The following FSTL5 variants were observed in gnomAD, a reference collection of about 807,000 sequenced individuals.
FSTL5 encodes follistatin like 5, also known as follistatin-related protein 5.
A neutral mutation model predicts 89.1 loss-of-function variants in FSTL5; 62 were observed. That is an observed-to-expected ratio of 0.70 (90% CI 0.57 to 0.86). The LOEUF (loss-of-function observed/expected upper bound fraction) is 0.86. Ranked by LOEUF, FSTL5 falls within the 40% of genes least tolerant of loss-of-function variation. The pLI, the probability that FSTL5 is intolerant of heterozygous loss-of-function variation, is 0.00. For synonymous variants in FSTL5, 383 were observed against 346.2 expected (o/e 1.11, Z -1.18); for missense variants, 1,057 against 1,001.6 (o/e 1.06, Z -0.75).
At chr4:161,519,966 T>C (rs1210649344) in intron 10 of FSTL5, among the ~76,000 whole-genome samples, 1 of 152,148 alleles carries the variant, frequency 6.6e-6, no homozygotes, top group Non-Finnish European at 1.5e-5. Flanking sequence ...CAATAGATGT[T>C]GGTTTTGCAG....
chr4:161,927,457 T>G (rs1003150201), intron 3 of FSTL5, among the ~76,000 whole-genome samples: 7 of 151,722 alleles, frequency 4.6e-5, no homozygotes, highest in Non-Finnish European at 8.8e-5. Context: ...CAGCCAAACT[T>G]CAGACTATAA....
chr4:161,978,459 G>A lies in FSTL5; in HGVS notation c.160+55166C>T, dbSNP rs184415458. Among the ~76,000 whole-genome samples, 154 of 151,912 alleles carry A rather than the reference G, an allele frequency of 1.0e-3. 2 individuals are homozygous for A. The highest frequency in any genetic ancestry group is 9.4e-3 in the Admixed American group (144 of 15,260). On this transcript the variant is annotated intron_variant, in intron 3 of 15. Transcript: ENST00000306100. ...TATGCTTTATTTTTATGAAAAATAC[G>A]TCACTCATGCTGTTTTATTTATTAT...
At chr4:162,070,637 C>G (rs1729580862) in intron 2 of FSTL5, among the ~76,000 whole-genome samples, 1 of 151,738 alleles carries the variant, frequency 6.6e-6, no homozygotes, top group Non-Finnish European at 1.5e-5. Flanking sequence ...TTCTTGGCAC[C>G]TTTGTGGAAA....
intron 10 of FSTL5, among the ~76,000 whole-genome samples, chr4:161,524,512 A>G: frequency 6.6e-6 from 1 of 152,154 alleles, no homozygotes; most frequent in East Asian, 1.9e-4. Context: ...CTTCTGTCAA[A>G]GCTTGTATGT....
intron 4 of FSTL5, among the ~76,000 whole-genome samples, chr4:161,898,823 G>A (rs943984924): frequency 5.9e-4 from 90 of 151,634 alleles, no homozygotes; most frequent in Admixed American, 2.6e-3. Context: ...TAGAGACGGG[G>A]TTTCACCGTG....
At chr4:161,589,615 C>A (rs1221491760) in intron 7 of FSTL5, among the ~76,000 whole-genome samples, 1 of 151,972 alleles carries the variant, frequency 6.6e-6, no homozygotes, top group African/African-American at 2.4e-5. Context: ...ACCATACCTG[C>A]CCCCTAGAGT....
intron 2 of FSTL5, among the ~76,000 whole-genome samples, chr4:162,055,520 G>C (rs1436917168): frequency 9.0e-6 from 1 of 111,474 alleles, no homozygotes; most frequent in African/African-American, 3.6e-5. Context: ...ATGATAGATA[G>C]AGGATGATAG....
intron 7 of FSTL5, among the ~76,000 whole-genome samples, chr4:161,633,291 T>TTTATTATTC (rs1554004445): frequency 6.4e-5 from 9 of 140,726 alleles, no homozygotes; most frequent in Non-Finnish European, 1.2e-4. Flanking sequence ...ACTAATTCTT[T>TTTATTATTC]TTATTATTAT....
chr4:161,433,104 A>T (rs1211891241), intron 15 of FSTL5, among the ~76,000 whole-genome samples: 1 of 117,904 alleles, frequency 8.5e-6, no homozygotes, highest in African/African-American at 3.1e-5. Context: ...TACCAAAACC[A>T]GACAAAGACA....
At chr4:161,742,734 G>T (rs998552829) in intron 6 of FSTL5, among the ~76,000 whole-genome samples, 3 of 152,072 alleles carry the variant, frequency 2.0e-5, no homozygotes, top group Admixed American at 6.6e-5. Flanking sequence ...TCATGCAGTT[G>T]CATCTGCTAT....
At chr4:162,126,774 A>G (rs1287367804) in intron 1 of FSTL5, among the ~76,000 whole-genome samples, 1 of 152,308 alleles carries the variant, frequency 6.6e-6, no homozygotes, top group South Asian at 2.1e-4. Context: ...CTTTTACAAA[A>G]TTTTATTTCC....
intron 15 of FSTL5, among the ~76,000 whole-genome samples, chr4:161,448,495 A>C (rs1233731449): frequency 1.3e-5 from 2 of 152,134 alleles, no homozygotes; most frequent in Non-Finnish European, 2.9e-5. Context: ...TATGGGGGAG[A>C]ATGATATACT....
At chr4:161,521,665 G>A (rs917381470) in intron 10 of FSTL5, among the ~76,000 whole-genome samples, 3 of 151,570 alleles carry the variant, frequency 2.0e-5, no homozygotes, top group African/African-American at 4.9e-5. Flanking sequence ...TGGCTAACAC[G>A]GTGAAACCCC....
Position 161,676,527 on chromosome 4 carries a change from T to C in FSTL5, c.728-20033A>G, listed in dbSNP as rs755314460. 6.7e-4 allele frequency among the ~76,000 whole-genome samples: 102 copies of C among 151,892 alleles called. 1 individual carries two copies. The highest frequency in any genetic ancestry group is 1.8e-3 in the Admixed American group (27 of 15,222). On this transcript the variant is annotated intron_variant, in intron 6 of 15. Coordinates refer to ENST00000306100, the MANE Select transcript of FSTL5 (RefSeq NM_020116.5). Reference sequence around the variant, plus strand: ...GGGAGGTGAGGGACTAGGGGAGGGATAGCATTAGGAGAAATACCTAATGTG... The same window carrying C: ...GGGAGGTGAGGGACTAGGGGAGGGACAGCATTAGGAGAAATACCTAATGTG...
chr4:161,728,046 GA>G (rs1321823439), intron 6 of FSTL5, among the ~76,000 whole-genome samples: 1 of 152,128 alleles, frequency 6.6e-6, no homozygotes, highest in Non-Finnish European at 1.5e-5. Flanking sequence ...TATGAGGATG[GA>G]AAATGTCATG....
At position 161,759,629 on chromosome 4, in the gene FSTL5, T is replaced by G. The variant is rs1379864226; in HGVS notation, c.607-98A>C. On this transcript the variant is annotated intron_variant, in intron 5 of 15. Coordinates refer to ENST00000306100, the MANE Select transcript of FSTL5 (RefSeq NM_020116.5). Reference sequence around the variant, plus strand: ...AATAATCACATAATAGTTCATTTCATGTCTGCAGCAGGGCAAAAAACTCAA... The same window carrying G: ...AATAATCACATAATAGTTCATTTCAGGTCTGCAGCAGGGCAAAAAACTCAA... The G allele has an allele frequency of 7.9e-6, 6 of 760,634 alleles. No individual in the cohort carries two copies. The East Asian group carries it at 1.8e-4, about 23-fold the overall frequency. 47.1% of individuals were successfully genotyped at this position (760,634 alleles called of 1,614,324 possible).
At chr4:161,431,702 A>C (rs1036995786) in intron 15 of FSTL5, among the ~76,000 whole-genome samples, 1 of 152,100 alleles carries the variant, frequency 6.6e-6, no homozygotes, top group African/African-American at 2.4e-5. Context: ...AGACTCAACA[A>C]TCTATTACCT....
chr4:161,638,537 A>G (rs896015204), intron 7 of FSTL5, among the ~76,000 whole-genome samples: 2 of 151,902 alleles, frequency 1.3e-5, no homozygotes, highest in Non-Finnish European at 2.9e-5. Flanking sequence ...GTCCAGGACC[A>G]GATGGATTCA....
chr4:161,696,257 T>A (rs750829561), intron 6 of FSTL5, among the ~76,000 whole-genome samples: 2 of 152,198 alleles, frequency 1.3e-5, no homozygotes, highest in Non-Finnish European at 1.5e-5. Flanking sequence ...TTATTGAAGA[T>A]CAATTGGCTG....
Sources: gnomAD v4.1 joint callset for allele counts (sites outside exome capture counted in the v4.1 genomes callset) on GRCh38, gnomAD v4.1.1 for gene constraint, MANE v1.5 for transcripts, NCBI Gene and HGNC (gene_info 2026-07-23, HGNC 2026-07-21) for gene names.